The following GPC5 variants were observed in gnomAD, a reference collection of about 807,000 sequenced individuals.
GPC5 encodes glypican 5.
Under a neutral mutation model 53.9 loss-of-function variants are expected in GPC5, and 47 were observed. That is an observed-to-expected ratio of 0.87 (90% CI 0.69 to 1.11). The LOEUF (loss-of-function observed/expected upper bound fraction) is 1.11, where lower values mean the gene tolerates loss of function less well. Ranked by LOEUF, GPC5 falls within the 50% of genes most tolerant of loss-of-function variation. GPC5 has a pLI of 0.00. For missense variants in GPC5, 748 were observed against 713.1 expected (o/e 1.05, Z -0.56); for synonymous variants, 286 against 263.3 (o/e 1.09, Z -0.84).
intron 3 of GPC5, among the ~76,000 whole-genome samples, chr13:91,694,493 G>A (rs1297242769): frequency 2.0e-5 from 3 of 152,184 alleles, no homozygotes; most frequent in Non-Finnish European, 2.9e-5. Context: ...CGGTCATGGT[G>A]TTTTATTCCT....
At position 92,271,104 on chromosome 13, in the gene GPC5, T is replaced by G. The variant is rs1438986477; in HGVS notation, c.1561+126115T>G. 2.6e-5 allele frequency among the ~76,000 whole-genome samples: 4 copies of G among 152,102 alleles called. No individual in the cohort carries two copies. In the South Asian group the frequency reaches 6.2e-4, roughly 24 times the overall value. ...TTTCCAGGGCGCCCACAGAAACAAT[T>G]TAGAGCCCAATTCCCTGGAGCTTCA... On this transcript the variant is annotated intron_variant, in intron 7 of 7. Coordinates refer to ENST00000377067, the MANE Select transcript of GPC5 (RefSeq NM_004466.6).
At chr13:92,778,586 A>G (rs1430042838) in intron 7 of GPC5, among the ~76,000 whole-genome samples, 1 of 152,234 alleles carries the variant, frequency 6.6e-6, no homozygotes, top group African/African-American at 2.4e-5. Flanking sequence ...ACTAATTCCA[A>G]TGCCACCTCA....
intron 7 of GPC5, among the ~76,000 whole-genome samples, chr13:92,546,917 A>T (rs1216747575): frequency 6.6e-6 from 1 of 152,196 alleles, no homozygotes; most frequent in Non-Finnish European, 1.5e-5. Context: ...AGAAATGGGG[A>T]AAGGATTCCC....
chr13:91,757,831 A>G (rs1299825855), intron 5 of GPC5, among the ~76,000 whole-genome samples: 1 of 152,170 alleles, frequency 6.6e-6, no homozygotes, highest in Non-Finnish European at 1.5e-5. Context: ...AGTTACCACA[A>G]AAGTGATGAG....
chr13:91,661,052 C>A (rs2034976015), intron 2 of GPC5, among the ~76,000 whole-genome samples: 1 of 152,110 alleles, frequency 6.6e-6, no homozygotes, highest in Non-Finnish European at 1.5e-5. Flanking sequence ...GGAATAAGGG[C>A]AGATTCTACA....
At chr13:91,607,093 A>G (rs975464708) in intron 2 of GPC5, among the ~76,000 whole-genome samples, 3 of 152,168 alleles carry the variant, frequency 2.0e-5, no homozygotes, top group African/African-American at 7.2e-5. Flanking sequence ...GTGGAGAGTC[A>G]TTTACTCTTT....
intron 7 of GPC5, among the ~76,000 whole-genome samples, chr13:92,292,021 G>T (rs1215003879): frequency 6.6e-6 from 1 of 152,210 alleles, no homozygotes; most frequent in South Asian, 2.1e-4. Context: ...CTTGAAGTCA[G>T]TGAGACCAAG....
intron 6 of GPC5, among the ~76,000 whole-genome samples, chr13:92,122,740 CTTTTTTTTTTTTTTT>C (rs3058805): frequency 3.4e-4 from 23 of 67,118 alleles, no homozygotes; most frequent in South Asian, 1.3e-3. Context: ...ATAGGTCAGT[CTTTTTTTTTTTTTTT>C]TTTTTTTTTT....
At chr13:92,001,677 T>G (rs925318481) in intron 6 of GPC5, among the ~76,000 whole-genome samples, 1 of 152,242 alleles carries the variant, frequency 6.6e-6, no homozygotes, top group African/African-American at 2.4e-5. Flanking sequence ...ATGTAAAAAG[T>G]ATTGTAAAAG....
chr13:92,252,955 AC>A (rs2042702310), intron 7 of GPC5, among the ~76,000 whole-genome samples: 3 of 152,154 alleles, frequency 2.0e-5, no homozygotes, highest in African/African-American at 7.2e-5. Context: ...AAAAATACAG[AC>A]ATAGACGATC....
At chr13:91,996,011 T>C (rs1433303635) in intron 6 of GPC5, 1 of 152,328 alleles carries the variant, frequency 6.6e-6, no homozygotes, top group East Asian at 1.9e-4. Flanking sequence ...AGTTCCCTCT[T>C]TGGGTTGTGG....
At chr13:92,632,956 T>A (rs1885300858) in intron 7 of GPC5, among the ~76,000 whole-genome samples, 1 of 152,186 alleles carries the variant, frequency 6.6e-6, no homozygotes, top group East Asian at 1.9e-4. Context: ...AATGGCGCTA[T>A]CTTGGCTCAC....
intron 7 of GPC5, among the ~76,000 whole-genome samples, chr13:92,189,180 G>C (rs1159561204): frequency 6.6e-6 from 1 of 152,154 alleles, no homozygotes. Context: ...TTTCCAGCAG[G>C]AAGGGGAGAA....
At chr13:92,748,801 T>C (rs914828028) in intron 7 of GPC5, among the ~76,000 whole-genome samples, 11 of 152,204 alleles carry the variant, frequency 7.2e-5, no homozygotes, top group Non-Finnish European at 1.6e-4. Context: ...ATAAATATGA[T>C]ACAATTTTAA....
intron 6 of GPC5, among the ~76,000 whole-genome samples, chr13:91,924,012 A>G (rs2039743115): frequency 6.6e-6 from 1 of 152,142 alleles, no homozygotes; most frequent in Non-Finnish European, 1.5e-5. Context: ...AAAATTTTTA[A>G]AAGAATCACA....
intron 2 of GPC5, among the ~76,000 whole-genome samples, chr13:91,556,765 G>GCTAAT (rs2030979857): frequency 6.6e-6 from 1 of 151,940 alleles, no homozygotes; most frequent in Non-Finnish European, 1.5e-5. Context: ...TGGGAGCTAA[G>GCTAAT]CTATGAGGAT....
chr13:92,352,280 C>CA lies in GPC5; in HGVS notation c.1561+207297dup, dbSNP rs541787176. Among the ~76,000 whole-genome samples the CA allele has an allele frequency of 5.9e-5, 9 of 151,956 alleles. No homozygotes were observed. The East Asian group carries it at 1.2e-3, about 20-fold the overall frequency. On this transcript the variant is annotated intron_variant, in intron 7 of 7. Coordinates refer to ENST00000377067, the MANE Select transcript of GPC5 (RefSeq NM_004466.6). The stretch of plus-strand genomic sequence containing the variant: ...AAATTAATCATTTATGTAAAAATGT[C>CA]AAAAAACGTGGCTAAAAATATAAAT...
intron 5 of GPC5, among the ~76,000 whole-genome samples, chr13:91,833,550 C>T (rs1030862829): frequency 3.3e-5 from 5 of 152,156 alleles, no homozygotes; most frequent in African/African-American, 1.2e-4. Flanking sequence ...GCTCATCCAC[C>T]ACGATCAAGT....
chr13:92,115,285 G>C (rs573533988), intron 6 of GPC5, among the ~76,000 whole-genome samples: 2 of 152,210 alleles, frequency 1.3e-5, no homozygotes, highest in African/African-American at 2.4e-5. Context: ...GAGGTGGGTA[G>C]ATTATGAGGT....
Sources: gnomAD v4.1 joint callset for allele counts (sites outside exome capture counted in the v4.1 genomes callset) on GRCh38, gnomAD v4.1.1 for gene constraint, MANE v1.5 for transcripts, NCBI Gene and HGNC (gene_info 2026-07-23, HGNC 2026-07-21) for gene names.